The following ALLC variants were observed in gnomAD, a reference collection of about 807,000 sequenced individuals.
ALLC encodes the protein probable inactive allantoicase.
In ALLC, 40 loss-of-function variants were observed where a neutral mutation model predicts 45.0. The ratio of observed to expected loss-of-function variants is 0.89; its 90% confidence interval spans 0.69 to 1.16. The LOEUF (loss-of-function observed/expected upper bound fraction) is 1.16. ALLC is among the 50% of genes most tolerant of loss of function. The pLI, the probability that ALLC is intolerant of heterozygous loss-of-function variation, is 0.00. For synonymous variants in ALLC, 176 were observed against 178.1 expected (o/e 0.99, Z 0.09); for missense variants, 488 against 493.1 (o/e 0.99, Z 0.10).
chr2:3,660,774 G>A (rs940834575), intron 1 of ALLC, among the ~76,000 whole-genome samples: 1 of 152,038 alleles, frequency 6.6e-6, no homozygotes, highest in African/African-American at 2.4e-5. Flanking sequence ...GGGAAAAATG[G>A]TTATGGCAGA....
intron 2 of ALLC, 37 bp downstream of exon 2, chr2:3,671,227 G>A: frequency 6.3e-7 from 1 of 1,598,868 alleles, no homozygotes; most frequent in Non-Finnish European, 8.5e-7. Context: ...AGGGTTGAAG[G>A]CATCCGTGCT....
chr2:3,651,424 T>A, the ALLC span, among the ~76,000 whole-genome samples: 13 of 57,358 alleles, frequency 2.3e-4, no homozygotes, highest in South Asian at 8.6e-4. Context: ...TGTGTGTGTG[T>A]GTGTGTGTGT....
chr2:3,648,544 G>T, the ALLC span, among the ~76,000 whole-genome samples: 2 of 152,228 alleles, frequency 1.3e-5, no homozygotes, highest in African/African-American at 4.8e-5. Context: ...ATCCTGCAGG[G>T]TCTGGGGTGC....
chr2:3,667,497 G>C (rs568874836), intron 1 of ALLC, among the ~76,000 whole-genome samples: 2 of 152,336 alleles, frequency 1.3e-5, no homozygotes, highest in East Asian at 3.8e-4. Flanking sequence ...ATACATCGCG[G>C]TTGGCCATAT....
intron 10 of ALLC, among the ~76,000 whole-genome samples, chr2:3,699,608 C>T (rs1667770023): frequency 6.6e-6 from 1 of 152,174 alleles, no homozygotes; most frequent in Non-Finnish European, 1.5e-5. Flanking sequence ...AACTAATTTA[C>T]ACTCCCACCA....
chr2:3,677,812 A>G (rs1667065104), intron 3 of ALLC, among the ~76,000 whole-genome samples: 1 of 152,228 alleles, frequency 6.6e-6, no homozygotes, highest in South Asian at 2.1e-4. Flanking sequence ...ACTTGATGGA[A>G]ACAGGGAAAG....
Position 3,701,528 on chromosome 2 carries a change from C to A in ALLC, c.867C>A (p.Ser289Arg). 6.3e-7 allele frequency: 1 copy of A among 1,596,902 alleles called. No individual in the cohort carries two copies. Among genetic ancestry groups the A allele is most frequent in the Non-Finnish European group, 8.5e-7 (1 of 1,171,544 alleles). The change falls in exon 11 of 12, where the codon AGC (serine) becomes AGA (arginine). Residue 289 changes from serine (S) to arginine (R), a missense_variant. Transcript: ENST00000252505. ...TKYFEGNAPD[S>R]CKVDGCILTT... ...CTCCAACAGGCAATGCTCCTGACAG[C>A]TGTAAAGTGGATGGGTGCATCCTGA...
the ALLC span, among the ~76,000 whole-genome samples, chr2:3,646,704 T>G: frequency 1.3e-5 from 2 of 152,224 alleles, no homozygotes; most frequent in Non-Finnish European, 2.9e-5. Flanking sequence ...GTCTTCCTAC[T>G]GGTGCGTATA....
intron 9 of ALLC, 23 bp downstream of exon 9, chr2:3,696,371 G>T: frequency 6.4e-7 from 1 of 1,571,450 alleles, no homozygotes; most frequent in Non-Finnish European, 8.6e-7. Flanking sequence ...AAATAACTAT[G>T]GTTTAAAGTT....
In ALLC at chr2:3,676,713, G is replaced by A. The variant is rs376024910; in HGVS notation, c.85-1755G>A. Among the ~76,000 whole-genome samples the A allele has an allele frequency of 9.2e-5, 14 of 152,284 alleles. No individual in the cohort carries two copies. In the East Asian group the frequency reaches 1.5e-3, roughly 17 times the overall value. On this transcript the variant is annotated intron_variant, in intron 3 of 11. Coordinates refer to ENST00000252505, the MANE Select transcript of ALLC (RefSeq NM_018436.4). ...CATTTAGGTTGATGACATTTTGCAC[G>A]TATTGAAAACATCCTTGTACAAGTG...
At chr2:3,685,133 A>C (rs1667294332) in intron 7 of ALLC, among the ~76,000 whole-genome samples, 1 of 152,060 alleles carries the variant, frequency 6.6e-6, no homozygotes, top group African/African-American at 2.4e-5. Context: ...TTTTTTGAGG[A>C]GTTTTCATAG....
intron 1 of ALLC, among the ~76,000 whole-genome samples, chr2:3,661,132 T>G (rs1666566540): frequency 6.6e-6 from 1 of 152,006 alleles, no homozygotes; most frequent in Non-Finnish European, 1.5e-5. Flanking sequence ...TGACATTGGG[T>G]GAGAGCCTCC....
At position 3,672,538 on chromosome 2, in the gene ALLC, T is replaced by TCGG. The variant is rs1167957618; in HGVS notation, c.33+1348_33+1349insCGG. Among the ~76,000 whole-genome samples the TCGG allele has an allele frequency of 4.0e-4, 52 of 129,522 alleles. 4 individuals carry two copies. The highest frequency in any genetic ancestry group is 1.5e-3 in the African/African-American group (48 of 31,630). 85.0% of individuals were successfully genotyped at this position (129,522 alleles called of 152,430 possible). ...GGGAGGTCCTCTGGGTCTGGTTAGA[T>TCGG]AGGAGGTCCTCTGGTTCTGGTTAGA... On this transcript the variant is annotated intron_variant, in intron 2 of 11. Coordinates refer to ENST00000252505, the MANE Select transcript of ALLC (RefSeq NM_018436.4).
intron 1 of ALLC, among the ~76,000 whole-genome samples, chr2:3,660,429 C>G (rs1294185942): frequency 6.6e-6 from 1 of 152,138 alleles, no homozygotes; most frequent in African/African-American, 2.4e-5. Flanking sequence ...GGCTAAGACA[C>G]TGGGAGAACA....
chr2:3,701,008 C>T (rs1572536993), intron 10 of ALLC, among the ~76,000 whole-genome samples: 1 of 152,190 alleles, frequency 6.6e-6, no homozygotes, highest in South Asian at 2.1e-4. Flanking sequence ...ACCATATACT[C>T]TCACCTGAAG....
At chr2:3,679,232 A>G (rs10203290) in intron 4 of ALLC, among the ~76,000 whole-genome samples, 5,103 of 152,280 alleles carry the variant, frequency 0.034, 309 homozygotes, top group African/African-American at 0.12. Flanking sequence ...GTTTCTAACA[A>G]ATCTGGACAT....
chr2:3,651,630 G>A, the ALLC span, among the ~76,000 whole-genome samples: 1 of 151,882 alleles, frequency 6.6e-6, no homozygotes, highest in Non-Finnish European at 1.5e-5. Flanking sequence ...CGAAAGAGCA[G>A]TCAGGAGAAA....
At chr2:3,678,663 T>G in intron 4 of ALLC, 108 bp downstream of exon 4, 1 of 794,088 alleles carries the variant, frequency 1.3e-6, no homozygotes, top group Non-Finnish European at 2.1e-6. Flanking sequence ...CATGGGGCCC[T>G]GGAATGCTCT....
At chr2:3,701,221 G>T (rs938609147) in intron 10 of ALLC, among the ~76,000 whole-genome samples, 1 of 152,198 alleles carries the variant, frequency 6.6e-6, no homozygotes, top group South Asian at 2.1e-4. Flanking sequence ...AATACATTCA[G>T]ATTTCAAAGT....
Sources: gnomAD v4.1 joint callset for allele counts (sites outside exome capture counted in the v4.1 genomes callset) on GRCh38, gnomAD v4.1.1 for gene constraint, MANE v1.5 for transcripts, NCBI Gene and HGNC (gene_info 2026-07-23, HGNC 2026-07-21) for gene names.